The following PDE7B variants were observed in gnomAD, a reference collection of about 807,000 sequenced individuals.
The protein encoded by PDE7B is 3',5'-cyclic-AMP phosphodiesterase 7B.
A neutral mutation model predicts 56.2 loss-of-function variants in PDE7B; 29 were observed. That is an observed-to-expected ratio of 0.52 (90% confidence interval 0.38 to 0.70). PDE7B has a LOEUF of 0.70. PDE7B is among the 30% of genes least tolerant of loss of function. The pLI, the probability that PDE7B is intolerant of heterozygous loss-of-function variation, is 0.00. For missense variants in PDE7B, 490 were observed against 565.0 expected, an observed-to-expected ratio of 0.87 and a Z score of 1.35; for synonymous variants, 197 against 196.9, an observed-to-expected ratio of 1.00 and a Z score of 0.00.
intron 2 of PDE7B, among the ~76,000 whole-genome samples, chr6:136,087,497 C>T (rs986149539): frequency 6.6e-6 from 1 of 152,112 alleles, no homozygotes; most frequent in Admixed American, 6.6e-5. Context: ...ACATTTTCCC[C>T]CAAAATTTAT....
intron 3 of PDE7B, among the ~76,000 whole-genome samples, chr6:136,122,782 G>A (rs1036603007): frequency 1.3e-5 from 2 of 152,140 alleles, no homozygotes; most frequent in African/African-American, 4.8e-5. Flanking sequence ...AAGCACTAAG[G>A]AAGTAGAGAG....
At chr6:135,996,594 T>C (rs1474141736) in intron 2 of PDE7B, among the ~76,000 whole-genome samples, 1 of 152,258 alleles carries the variant, frequency 6.6e-6, no homozygotes, top group East Asian at 1.9e-4. Context: ...TTAACCCATT[T>C]AGACAATCTA....
chr6:135,862,508 T>C (rs1775169599), intron 1 of PDE7B, among the ~76,000 whole-genome samples: 1 of 151,888 alleles, frequency 6.6e-6, no homozygotes, highest in Admixed American at 6.6e-5. Flanking sequence ...TATGGCCTTA[T>C]CAAGGTTCCA....
intron 1 of PDE7B, among the ~76,000 whole-genome samples, chr6:135,896,585 G>T (rs899702941): frequency 9.2e-5 from 14 of 152,000 alleles, no homozygotes; most frequent in African/African-American, 3.4e-4. Context: ...TGTGATCCTT[G>T]CAACTTATAT....
chr6:136,130,682 CACTTA>C (rs2128444593), intron 3 of PDE7B, among the ~76,000 whole-genome samples: 1 of 152,244 alleles, frequency 6.6e-6, no homozygotes, highest in African/African-American at 2.4e-5. Flanking sequence ...CAGAAACACT[CACTTA>C]AATCTTCTTG....
intron 2 of PDE7B, among the ~76,000 whole-genome samples, chr6:136,027,071 C>A (rs541039241): frequency 6.6e-6 from 1 of 152,326 alleles, no homozygotes; most frequent in East Asian, 1.9e-4. Context: ...GAGGATACAG[C>A]AGGAAGGCAA....
chr6:136,117,688 G>A (rs1022222521), intron 3 of PDE7B, among the ~76,000 whole-genome samples: 5 of 152,172 alleles, frequency 3.3e-5, no homozygotes, highest in Admixed American at 3.3e-4. Context: ...AGTCTGAGAG[G>A]TGCTTAACCC....
chr6:136,073,518 G>A (rs565006044), intron 2 of PDE7B, among the ~76,000 whole-genome samples: 57 of 152,172 alleles, frequency 3.7e-4, no homozygotes, highest in African/African-American at 1.1e-3. Flanking sequence ...CTCTCCCCTC[G>A]GCTTGTAGAT....
chr6:135,932,252 G>T lies in PDE7B; in HGVS notation c.22-15212G>T, dbSNP rs1334288970. ...CCCTACTATTTGATAGCACAACAGG[G>T]TGACTATAATCAATAATTACTCAAC... On this transcript the variant is annotated intron_variant, in intron 1 of 12. Transcript: ENST00000308191. Among the ~76,000 whole-genome samples the T allele has an allele frequency of 3.9e-5, 6 of 152,008 alleles. 1 individual carries two copies. The highest frequency in any genetic ancestry group is 1.3e-4 in the Admixed American group (2 of 15,254).
At chr6:136,026,804 G>A (rs1776160242) in intron 2 of PDE7B, among the ~76,000 whole-genome samples, 1 of 152,178 alleles carries the variant, frequency 6.6e-6, no homozygotes, top group Admixed American at 6.5e-5. Context: ...TTGGGCTCAG[G>A]TCTGTGGGAA....
intron 1 of PDE7B, among the ~76,000 whole-genome samples, chr6:135,933,821 A>G (rs1049689983): frequency 1.3e-5 from 2 of 152,164 alleles, no homozygotes; most frequent in Non-Finnish European, 2.9e-5. Flanking sequence ...ACACATTCTA[A>G]GACTCCATTC....
intron 2 of PDE7B, among the ~76,000 whole-genome samples, chr6:136,027,117 T>C (rs1195281589): frequency 6.6e-6 from 1 of 152,146 alleles, no homozygotes; most frequent in Non-Finnish European, 1.5e-5. Flanking sequence ...CTCACCAGAA[T>C]CTGACCATGC....
chr6:135,978,296 T>C (rs554632220), intron 2 of PDE7B, among the ~76,000 whole-genome samples: 8 of 152,254 alleles, frequency 5.3e-5, no homozygotes, highest in Middle Eastern at 3.4e-3. Flanking sequence ...ATACAAAAGA[T>C]TTTAAAATGT....
intron 11 of PDE7B, among the ~76,000 whole-genome samples, chr6:136,182,856 C>T (rs2128451499): frequency 6.6e-6 from 1 of 152,136 alleles, no homozygotes; most frequent in South Asian, 2.1e-4. Flanking sequence ...GGTGGATCAC[C>T]TGAGGTCAGG....
chr6:136,111,718 A>G (rs768761092), intron 3 of PDE7B, among the ~76,000 whole-genome samples: 7 of 152,198 alleles, frequency 4.6e-5, no homozygotes, highest in Non-Finnish European at 1.0e-4. Context: ...AAAGGGAAAC[A>G]TCTTGGGACA....
chr6:136,010,479 C>T (rs924098909), intron 2 of PDE7B, among the ~76,000 whole-genome samples: 3 of 149,102 alleles, frequency 2.0e-5, no homozygotes, highest in Non-Finnish European at 4.4e-5. Flanking sequence ...AGTCTCGGCT[C>T]ACTGCAACCT....
intron 1 of PDE7B, among the ~76,000 whole-genome samples, chr6:135,891,576 C>CT (rs1005229856): frequency 4.6e-5 from 7 of 152,166 alleles, no homozygotes; most frequent in African/African-American, 1.7e-4. Flanking sequence ...CGCGGAGCTC[C>CT]TAACCAGTGG....
At chr6:135,879,100 A>T (rs1460378084) in intron 1 of PDE7B, among the ~76,000 whole-genome samples, 3 of 152,082 alleles carry the variant, frequency 2.0e-5, no homozygotes, top group Non-Finnish European at 4.4e-5. Flanking sequence ...TCACACATTT[A>T]AAAAGCCTTC....
chr6:136,022,478 A>G (rs757040997), intron 2 of PDE7B, among the ~76,000 whole-genome samples: 15 of 152,204 alleles, frequency 9.9e-5, no homozygotes, highest in Non-Finnish European at 1.9e-4. Context: ...AATATTTGTC[A>G]TCTAGGGTCA....
Sources: gnomAD v4.1 joint callset for allele counts (sites outside exome capture counted in the v4.1 genomes callset) on GRCh38, gnomAD v4.1.1 for gene constraint, MANE v1.5 for transcripts, NCBI Gene and HGNC (gene_info 2026-07-23, HGNC 2026-07-21) for gene names.